AOPEP: variants seen among roughly 807,000 people sequenced by gnomAD.
AOPEP encodes aminopeptidase O.
Under a neutral mutation model 98.1 loss-of-function variants are expected in AOPEP, and 77 were observed. The ratio of observed to expected loss-of-function variants is 0.78; its 90% CI spans 0.65 to 0.95. The LOEUF (loss-of-function observed/expected upper bound fraction) is 0.95, where lower values mean the gene tolerates loss of function less well. Among genes scored for constraint, AOPEP ranks in the 40% least tolerant of loss-of-function variants. The pLI, the probability that AOPEP is intolerant of heterozygous loss-of-function variation, is 0.00. For missense variants in AOPEP, 1,024 were observed against 1,024.7 expected, an observed-to-expected ratio of 1.00 and a Z score of 0.01; for synonymous variants, 346 against 365.3, an observed-to-expected ratio of 0.95 and a Z score of 0.60.
intron 2 of AOPEP, among the ~76,000 whole-genome samples, chr9:94,764,987 T>A (rs1839219533): frequency 6.6e-6 from 1 of 152,190 alleles, no homozygotes; most frequent in Non-Finnish European, 1.5e-5. Flanking sequence ...TTGTAAGAGC[T>A]GTTTTCTCAC....
chr9:94,756,778 C>T (rs78643394), intron 1 of AOPEP, among the ~76,000 whole-genome samples: 5,765 of 152,164 alleles, frequency 0.038, 349 homozygotes, highest in African/African-American at 0.13. Context: ...TTTTGGGCAG[C>T]ACTCCTGACC....
intron 9 of AOPEP, among the ~76,000 whole-genome samples, chr9:94,965,188 A>G (rs577042543): frequency 6.6e-6 from 1 of 152,312 alleles, no homozygotes; most frequent in African/African-American, 2.4e-5. Flanking sequence ...CTGTATATCC[A>G]CTGCAGGTGC....
intron 11 of AOPEP, among the ~76,000 whole-genome samples, chr9:95,003,094 A>G (rs73540089): frequency 0.012 from 1,805 of 151,858 alleles, 31 homozygotes; most frequent in African/African-American, 0.041. Flanking sequence ...TCCAGGTCTC[A>G]GTTTCTAAGA....
chr9:94,936,892 T>C (rs2056354770), intron 7 of AOPEP, among the ~76,000 whole-genome samples: 1 of 152,196 alleles, frequency 6.6e-6, no homozygotes. Context: ...ATAAAGATAT[T>C]ACAAGGGATA....
At chr9:95,064,630 A>G (rs4744431) in intron 14 of AOPEP, among the ~76,000 whole-genome samples, 119,874 of 152,160 alleles carry the variant, frequency 0.79, 48,687 homozygotes, top group Non-Finnish European at 0.89. Flanking sequence ...GCCATTGGTC[A>G]GGGGGCGGGT....
intron 1 of AOPEP, among the ~76,000 whole-genome samples, chr9:94,744,189 G>A (rs1246549055): frequency 6.6e-6 from 1 of 151,540 alleles, no homozygotes; most frequent in African/African-American, 2.4e-5. Context: ...TCAGGAGATT[G>A]AGACCATCCT....
the AOPEP span, chr9:95,114,699 C>T: frequency 1.2e-6 from 2 of 1,614,046 alleles, no homozygotes; most frequent in Non-Finnish European, 1.7e-6. Context: ...AGCCAGTGTC[C>T]CCGAGGGATA....
chr9:95,108,673 A>G, the AOPEP span, among the ~76,000 whole-genome samples: 1 of 152,236 alleles, frequency 6.6e-6, no homozygotes, highest in Non-Finnish European at 1.5e-5. Flanking sequence ...AAAGACATAT[A>G]TGCTTACTAT....
intron 5 of AOPEP, among the ~76,000 whole-genome samples, chr9:94,876,689 A>G (rs1300143206): frequency 6.6e-6 from 1 of 151,948 alleles, no homozygotes; most frequent in East Asian, 1.9e-4. Context: ...TAGGAGATTA[A>G]TTTCCTTAGT....
At chr9:94,845,801 A>G (rs941529446) in intron 5 of AOPEP, among the ~76,000 whole-genome samples, 1 of 152,114 alleles carries the variant, frequency 6.6e-6, no homozygotes, top group Non-Finnish European at 1.5e-5. Flanking sequence ...TTTTAAATGT[A>G]TTGAGTCTGG....
At chr9:94,804,394 GA>G (rs1396491428) in intron 5 of AOPEP, among the ~76,000 whole-genome samples, 5 of 152,072 alleles carry the variant, frequency 3.3e-5, no homozygotes, top group African/African-American at 9.7e-5. Context: ...TGAATTTCAA[GA>G]ATCTCTTGCA....
chr9:95,005,182 G>A lies in AOPEP; in HGVS notation c.2002G>A (p.Gly668Arg), dbSNP rs773129789. The A allele has an allele frequency of 8.7e-7, 1 of 1,150,526 alleles. No individual in the cohort carries two copies. The highest frequency in any genetic ancestry group is 1.1e-6 in the Non-Finnish European group (1 of 932,172). 71.3% of individuals were successfully genotyped at this position (1,150,526 alleles called of 1,614,324 possible). ...PKPLQRERRA[G>R]AECGLARQVR... is the part of the protein sequence containing the mutation. ...GCCGCTGCAGAGGGAGCGTCGCGCC[G>A]GGGCGGAGTGCGGGCTTGCGCGGCA... Residue 668 changes from glycine (G) to arginine (R), a missense_variant, in exon 12 of 17, where the codon GGG becomes AGG. Gly to Arg is a moderately radical substitution (Grantham distance 125, BLOSUM62 -2). This residue lies in a region of AOPEP where 566 missense variants were observed against 551.7 expected (regional missense o/e 1.03). Coordinates refer to ENST00000375315, the MANE Select transcript of AOPEP (RefSeq NM_001193329.3).
intron 11 of AOPEP, among the ~76,000 whole-genome samples, chr9:94,995,614 G>C (rs1281130728): frequency 6.6e-6 from 1 of 152,138 alleles, no homozygotes; most frequent in Non-Finnish European, 1.5e-5. Flanking sequence ...GAAACTCAGA[G>C]ATCAAGGCAG....
chr9:95,142,771 G>A, the AOPEP span, among the ~76,000 whole-genome samples: 2 of 152,158 alleles, frequency 1.3e-5, no homozygotes, highest in Non-Finnish European at 2.9e-5. Flanking sequence ...CCCGAGCTGC[G>A]AGTGTTAGAG....
intron 1 of AOPEP, among the ~76,000 whole-genome samples, chr9:94,736,176 AG>A (rs1831720876): frequency 5.3e-5 from 8 of 152,156 alleles, no homozygotes; most frequent in Admixed American, 5.2e-4. Context: ...AGTGTCTTAG[AG>A]GGGATTCCTA....
intron 5 of AOPEP, among the ~76,000 whole-genome samples, chr9:94,853,521 C>T (rs999946311): frequency 5.3e-5 from 8 of 152,062 alleles, no homozygotes; most frequent in African/African-American, 1.9e-4. Flanking sequence ...TGTGTACTGT[C>T]CTTTTATCAG....
chr9:94,832,265 AACAGTTC>A lies in AOPEP; in HGVS notation c.1364+31268_1364+31274del, dbSNP rs1472592419. ...GAAAAATGAGCTAGAGATAAGAACA[AACAGTTC>A]ACAGGAAAAGAGATGCAACTGTCTC... On this transcript the variant is annotated intron_variant, in intron 5 of 16. Coordinates refer to ENST00000375315, the MANE Select transcript of AOPEP (RefSeq NM_001193329.3). Among the ~76,000 whole-genome samples the A allele has an allele frequency of 1.3e-5, 2 of 152,226 alleles. 1 individual carries two copies.
At chr9:95,147,270 C>G in the AOPEP span, among the ~76,000 whole-genome samples, 13 of 152,120 alleles carry the variant, frequency 8.5e-5, no homozygotes, top group African/African-American at 2.9e-4. Context: ...GTAATCCCAG[C>G]ACTTTGGGAG....
At chr9:94,745,744 C>T (rs781726134) in intron 1 of AOPEP, among the ~76,000 whole-genome samples, 23 of 151,984 alleles carry the variant, frequency 1.5e-4, no homozygotes, top group Non-Finnish European at 2.9e-4. Flanking sequence ...GTATATGTAC[C>T]ACATTTTCTT....
Sources: allele counts gnomAD v4.1 joint callset (sites outside exome capture counted in the v4.1 genomes callset), GRCh38; gene constraint gnomAD v4.1.1; regional missense constraint gnomAD v4.1.1; transcripts MANE v1.5; gene names NCBI Gene and HGNC (gene_info 2026-07-23, HGNC 2026-07-21).